Variants in SLC16A2 observed in about 807,000 individuals in gnomAD.
SLC16A2 encodes the protein solute carrier family 16 member 2, also known as monocarboxylate transporter 8.
A neutral mutation model predicts 27.2 loss-of-function variants in SLC16A2; 3 were observed. The observed-to-expected ratio is 0.11, with a 90% confidence interval of 0.05 to 0.28. SLC16A2 has a LOEUF of 0.28. SLC16A2 is among the 10% of genes least tolerant of loss of function. SLC16A2 has a pLI of 1.00. For synonymous variants in SLC16A2, 202 were observed against 187.8 expected (o/e 1.08, Z -0.62); for missense variants, 295 against 458.5 (o/e 0.64, Z 3.26).
rs755613370 is a variant in SLC16A2 at position 74,519,347 on chromosome X, T to G, written c.431-1643T>G. Among the ~76,000 whole-genome samples the G allele has an allele frequency of 1.9e-3, 207 of 107,486 alleles. 1 individual carries two copies. The highest frequency in any genetic ancestry group is 6.3e-3 in the African/African-American group (189 of 29,770). The allele number at this position is 107,486 out of a possible 115,157, so 93.3% of individuals were successfully genotyped here. A position where few individuals can be genotyped will look rare whatever the true frequency, so the allele number is the denominator to read the frequency against. On this transcript the variant is annotated intron_variant, in intron 1 of 5. Coordinates refer to ENST00000587091, the MANE Select transcript of SLC16A2 (RefSeq NM_006517.5). ...CGCCCGCCCCCACACCCAGCTAATT[T>G]TTTGTATTTTGAGTAGAGACGGGGT...
At chrX:74,476,592 C>T (rs1470199893) in intron 1 of SLC16A2, among the ~76,000 whole-genome samples, 2 of 111,841 alleles carry the variant, frequency 1.8e-5, no homozygotes, top group Non-Finnish European at 3.8e-5. Context: ...TTTGTCCATT[C>T]AGTATGATAT....
In SLC16A2 at chrX:74,475,380, G is replaced by A. The variant is rs1419128757; in HGVS notation, c.431-45610G>A. ...AGTTCATTGTAGATTCTGGATATTA[G>A]CCCTTTGTCAGATGAGTAGGTTGCA... On this transcript the variant is annotated intron_variant, in intron 1 of 5. Transcript: ENST00000587091. Among the ~76,000 whole-genome samples the A allele has an allele frequency of 5.6e-5, 6 of 107,261 alleles. No individual in the cohort carries two copies. In the East Asian group the frequency reaches 1.9e-3, roughly 34 times the overall value. 93.1% of individuals were successfully genotyped at this position (107,261 alleles called of 115,157 possible).
chrX:74,519,269 T>C (rs1389740238), intron 1 of SLC16A2, among the ~76,000 whole-genome samples: 4 of 107,266 alleles, frequency 3.7e-5, no homozygotes. Context: ...GCTCCGCCTC[T>C]TGGGTTCAAG....
In SLC16A2 at chrX:74,425,909, A is replaced by G. The variant is rs1161246194; in HGVS notation, c.430+3842A>G. ...AAGGGGGGTCAAGGCTGAGGCTCTC[A>G]TCACCAGAGAAAGGGACAATGGTCA... On this transcript the variant is annotated intron_variant, in intron 1 of 5. Coordinates refer to ENST00000587091, the MANE Select transcript of SLC16A2 (RefSeq NM_006517.5). Among the ~76,000 whole-genome samples, 8 of 112,039 alleles carry G rather than the reference A, an allele frequency of 7.1e-5. No individual in the cohort carries two copies. In the Admixed American group the frequency reaches 7.6e-4, roughly 11 times the overall value.
At chrX:74,473,535 T>C in intron 1 of SLC16A2, 1 of 673,902 alleles carries the variant, frequency 1.5e-6, no homozygotes, top group Admixed American at 2.2e-5. Context: ...CCTCAGTCGG[T>C]CATGATTTCA....
chrX:74,462,336 T>C (rs1474111252), intron 1 of SLC16A2, among the ~76,000 whole-genome samples: 1 of 111,790 alleles, frequency 8.9e-6, no homozygotes, highest in Non-Finnish European at 1.9e-5. Context: ...TTGTTTGTTT[T>C]TGAGATGGAG....
At chrX:74,436,225 G>A (rs926654648) in intron 1 of SLC16A2, among the ~76,000 whole-genome samples, 4 of 111,770 alleles carry the variant, frequency 3.6e-5, no homozygotes, top group Admixed American at 9.6e-5. Flanking sequence ...GTGCGCATGC[G>A]TGCAAGTGAG....
chrX:74,468,506 A>G (rs1602118811), intron 1 of SLC16A2, among the ~76,000 whole-genome samples: 1 of 111,975 alleles, frequency 8.9e-6, no homozygotes, highest in South Asian at 3.7e-4. Flanking sequence ...CATTTTGTTT[A>G]TGCACTTACA....
At chrX:74,470,760 A>C (rs1325762988) in intron 1 of SLC16A2, among the ~76,000 whole-genome samples, 6 of 110,770 alleles carry the variant, frequency 5.4e-5, no homozygotes, top group Non-Finnish European at 1.1e-4. Flanking sequence ...AACACAGTGA[A>C]ACCCCGTCTC....
intron 1 of SLC16A2, among the ~76,000 whole-genome samples, chrX:74,442,130 A>T (rs903451102): frequency 2.8e-5 from 3 of 106,226 alleles, no homozygotes; most frequent in Non-Finnish European, 3.9e-5. Context: ...CGGGAGGCTG[A>T]GGCAGGAGAA....
chrX:74,532,828 A>C lies in SLC16A2; in HGVS notation c.*1275A>C, dbSNP rs1425718293. The stretch of plus-strand genomic sequence containing the variant: ...AGGCCACTTTGCTTAGAGGGCATTA[A>C]AGGTGCCATGAAAGGTAGACTCTGA... On this transcript the variant is annotated 3_prime_UTR_variant, in exon 6 of 6. Coordinates refer to ENST00000587091, the MANE Select transcript of SLC16A2 (RefSeq NM_006517.5). 1 of 112,030 alleles carries C rather than the reference A, an allele frequency of 8.9e-6. No homozygotes were observed. The highest frequency in any genetic ancestry group is 1.9e-5 in the Non-Finnish European group (1 of 53,087). 9.2% of individuals were successfully genotyped at this position (112,030 alleles called of 1,213,427 possible).
At chrX:74,525,701 C>T (rs751655173) in intron 3 of SLC16A2, 49 bp from the exon 4 acceptor site, 52 of 1,195,361 alleles carry the variant, frequency 4.4e-5, no homozygotes, top group Non-Finnish European at 5.8e-5. Flanking sequence ...AACCAGTCAG[C>T]TCCTCTTTCT....
intron 1 of SLC16A2, among the ~76,000 whole-genome samples, chrX:74,476,301 T>C (rs1929476142): frequency 8.9e-6 from 1 of 112,099 alleles, no homozygotes; most frequent in Non-Finnish European, 1.9e-5. Flanking sequence ...TGTATAAGAA[T>C]GCTTGTGATT....
At chrX:74,519,571 C>G (rs969739369) in intron 1 of SLC16A2, among the ~76,000 whole-genome samples, 36 of 104,799 alleles carry the variant, frequency 3.4e-4, no homozygotes, top group Non-Finnish European at 6.3e-4. Context: ...AAAAAATTAG[C>G]CGGGCGTGGT....
At position 74,506,261 on chromosome X, in the gene SLC16A2, A is replaced by G. The variant is rs1446176144; in HGVS notation, c.431-14729A>G. 2.7e-5 allele frequency among the ~76,000 whole-genome samples: 3 copies of G among 112,046 alleles called. No homozygotes were observed. The Admixed American group carries it at 2.8e-4, about 11-fold the overall frequency. ...AAAATGACAGAGAGCCAGACAGGGAAGTAGATACGGCATGGTGATGGAGGA... is the reference window on the plus strand; with the variant it reads ...AAAATGACAGAGAGCCAGACAGGGAGGTAGATACGGCATGGTGATGGAGGA... On this transcript the variant is annotated intron_variant, in intron 1 of 5. Transcript: ENST00000587091.
At chrX:74,529,807 GGTAGGA>G (rs1930539804) in intron 5 of SLC16A2, among the ~76,000 whole-genome samples, 1 of 106,856 alleles carries the variant, frequency 9.4e-6, no homozygotes, top group African/African-American at 3.4e-5. Context: ...AAGGTAGTTG[GGTAGGA>G]AGAGAAGAGA....
chrX:74,428,697 A>G (rs925861729), intron 1 of SLC16A2, among the ~76,000 whole-genome samples: 6 of 110,606 alleles, frequency 5.4e-5, no homozygotes, highest in Non-Finnish European at 1.1e-4. Context: ...AGCACTCAAG[A>G]GTGTGGAAGC....
intron 1 of SLC16A2, among the ~76,000 whole-genome samples, chrX:74,462,392 TCA>T (rs1221496597): frequency 8.9e-6 from 1 of 112,003 alleles, no homozygotes; most frequent in Non-Finnish European, 1.9e-5. Context: ...TGATCATGTC[TCA>T]CTGCAACCTC....
At chrX:74,461,239 T>C (rs185254887) in intron 1 of SLC16A2, among the ~76,000 whole-genome samples, 84 of 111,990 alleles carry the variant, frequency 7.5e-4, no homozygotes, top group Admixed American at 2.3e-3. Flanking sequence ...CAGTGTCATA[T>C]TGGACAAGTC....
Sources: allele counts gnomAD v4.1 joint callset (sites outside exome capture counted in the v4.1 genomes callset), GRCh38; gene constraint gnomAD v4.1.1; transcripts MANE v1.5; gene names NCBI Gene and HGNC (gene_info 2026-07-23, HGNC 2026-07-21).